The following CELF2 variants were observed in gnomAD, a reference collection of about 807,000 sequenced individuals.
CELF2 encodes the protein CUG triplet repeat RNA-binding protein 2.
In CELF2, 8 loss-of-function variants were observed where a neutral mutation model predicts 62.6. That is an observed-to-expected ratio of 0.13 (90% confidence interval 0.07 to 0.23). The LOEUF (loss-of-function observed/expected upper bound fraction) is 0.23. CELF2 is among the 10% of genes least tolerant of loss of function. The pLI is 1.00. For missense variants in CELF2, 333 were observed against 671.0 expected, an observed-to-expected ratio of 0.50 and a Z score of 5.56; for synonymous variants, 258 against 250.0, an observed-to-expected ratio of 1.03 and a Z score of -0.30.
rs1385532535 is a variant in CELF2 at position 11,315,041 on chromosome 10, A to T, written c.1096+783A>T. On this transcript the variant is annotated intron_variant, in intron 10 of 12. Transcript: ENST00000633077. The surrounding 1 kb of genome is among the most constrained non-coding windows in gnomAD (Gnocchi z 5.8). ...GAGAACTGCAGGTTCTGTCCTCCACAGCCCACCCGCTCCTGTCATTCTCGG... is the reference window on the plus strand; with the variant it reads ...GAGAACTGCAGGTTCTGTCCTCCACTGCCCACCCGCTCCTGTCATTCTCGG... Among the ~76,000 whole-genome samples, 2 of 152,044 alleles carry T rather than the reference A, an allele frequency of 1.3e-5. No individual in the cohort carries two copies. The highest frequency in any genetic ancestry group is 4.8e-5 in the African/African-American group (2 of 41,394).
chr10:10,791,332 A>C, the CELF2 span, among the ~76,000 whole-genome samples: 4,035 of 151,982 alleles, frequency 0.027, 187 homozygotes, highest in African/African-American at 0.092. Context: ...AAAAAAAAAA[A>C]ATAGGGATTC....
Position 11,224,032 on chromosome 10 carries a change from A to G in CELF2, c.354+6525A>G, listed in dbSNP as rs939132419. ...TACGTACGGCTTTGATTAAAATAAA[A>G]AACTAGTTATTTTTAAAGCATGGCC... is the stretch of plus-strand genomic sequence containing the variant. On this transcript the variant is annotated intron_variant, in intron 3 of 12. Coordinates refer to ENST00000633077, the MANE Select transcript of CELF2 (RefSeq NM_001326342.2). This position sits in a 1 kb window ranked among gnomAD's most constrained non-coding sequence, Gnocchi z 4.5. 6.6e-6 allele frequency among the ~76,000 whole-genome samples: 1 copy of G among 151,452 alleles called. No individual in the cohort carries two copies.
At chr10:11,250,058 A>T (rs2076684679) in intron 4 of CELF2, among the ~76,000 whole-genome samples, 2 of 152,234 alleles carry the variant, frequency 1.3e-5, no homozygotes, top group Admixed American at 1.3e-4. Context: ...GTATCTGCAA[A>T]TGTAAATTAT....
chr10:10,707,729 G>A, the CELF2 span, among the ~76,000 whole-genome samples: 21 of 152,240 alleles, frequency 1.4e-4, no homozygotes, highest in African/African-American at 3.1e-4. Context: ...AGACAATCTC[G>A]TTTTTGATAA....
intron 1 of CELF2, among the ~76,000 whole-genome samples, chr10:10,804,297 G>C (rs1405081101): frequency 6.6e-6 from 1 of 152,138 alleles, no homozygotes; most frequent in African/African-American, 2.4e-5. Flanking sequence ...AAACAGCTTG[G>C]GTGTGACCTA....
the CELF2 span, among the ~76,000 whole-genome samples, chr10:10,639,843 A>G: frequency 6.6e-6 from 1 of 152,178 alleles, no homozygotes; most frequent in African/African-American, 2.4e-5. Flanking sequence ...CCGTCAATGA[A>G]GGAGAGACTG....
At chr10:11,236,211 G>A (rs765832450) in intron 3 of CELF2, among the ~76,000 whole-genome samples, 2 of 152,168 alleles carry the variant, frequency 1.3e-5, no homozygotes, top group African/African-American at 2.4e-5. Flanking sequence ...TGAAATGCCC[G>A]TATCCTGTCA....
At chr10:10,772,881 G>A in the CELF2 span, among the ~76,000 whole-genome samples, 3 of 152,188 alleles carry the variant, frequency 2.0e-5, no homozygotes, top group Non-Finnish European at 2.9e-5. Flanking sequence ...AGATAAGAAA[G>A]AGAATACCAT....
chr10:10,761,928 G>A, the CELF2 span, among the ~76,000 whole-genome samples: 1 of 148,834 alleles, frequency 6.7e-6, no homozygotes, highest in Non-Finnish European at 1.5e-5. Context: ...GTGTGTGTGT[G>A]TGTGTGTGTG....
At chr10:10,984,208 G>A (rs932220812) in intron 2 of CELF2, among the ~76,000 whole-genome samples, 8 of 152,188 alleles carry the variant, frequency 5.3e-5, no homozygotes, top group Admixed American at 1.3e-4. Context: ...CACACAGAGG[G>A]TCGAGTCAGA....
chr10:11,138,539 C>T (rs561057051), intron 1 of CELF2, among the ~76,000 whole-genome samples: 15 of 152,270 alleles, frequency 9.9e-5, no homozygotes, highest in African/African-American at 3.4e-4. Context: ...CACACAGGAT[C>T]GGGATACTCT....
chr10:10,869,318 C>G (rs2060579570), intron 1 of CELF2, among the ~76,000 whole-genome samples: 1 of 152,180 alleles, frequency 6.6e-6, no homozygotes, highest in Non-Finnish European at 1.5e-5. Context: ...AATCCCAGCA[C>G]TTTGGGAGGC....
At chr10:10,661,194 T>C in the CELF2 span, among the ~76,000 whole-genome samples, 1 of 152,244 alleles carries the variant, frequency 6.6e-6, no homozygotes, top group Admixed American at 6.5e-5. Flanking sequence ...TCTTGCAAAG[T>C]AATCACTGAT....
At chr10:10,880,427 G>A (rs2061374937) in intron 1 of CELF2, among the ~76,000 whole-genome samples, 1 of 152,152 alleles carries the variant, frequency 6.6e-6, no homozygotes, top group Non-Finnish European at 1.5e-5. Context: ...AGTGTACGCA[G>A]GAAATTATCT....
the CELF2 span, among the ~76,000 whole-genome samples, chr10:10,525,041 G>A: frequency 1.3e-5 from 2 of 152,116 alleles, no homozygotes; most frequent in African/African-American, 4.8e-5. Flanking sequence ...GTACTTATGG[G>A]ATACAGTGCA....
upstream of CELF2, among the ~76,000 whole-genome samples, chr10:11,003,600 G>A (rs187607026): frequency 2.6e-4 from 40 of 152,070 alleles, no homozygotes; most frequent in South Asian, 4.0e-3. The surrounding 1 kb of genome is among the most constrained non-coding windows in gnomAD (Gnocchi z 4.4). Flanking sequence ...CCATTTAACC[G>A]CTGGAGTAAA....
chr10:10,787,875 C>T, the CELF2 span, among the ~76,000 whole-genome samples: 2 of 152,046 alleles, frequency 1.3e-5, no homozygotes, highest in Non-Finnish European at 2.9e-5. Flanking sequence ...CTAGCTTAAA[C>T]CTTAAAGCCT....
the CELF2 span, among the ~76,000 whole-genome samples, chr10:10,685,165 G>A: frequency 6.6e-6 from 1 of 152,162 alleles, no homozygotes; most frequent in South Asian, 2.1e-4. Flanking sequence ...GGGAACCAGG[G>A]GGCCAGAAGT....
chr10:10,492,617 C>T, the CELF2 span, among the ~76,000 whole-genome samples: 1 of 152,130 alleles, frequency 6.6e-6, no homozygotes, highest in Non-Finnish European at 1.5e-5. Context: ...GAGATTTGTC[C>T]ACCCACGTTT....
Sources: allele counts gnomAD v4.1 joint callset (sites outside exome capture counted in the v4.1 genomes callset), GRCh38; gene constraint gnomAD v4.1.1; non-coding constraint Gnocchi (gnomAD v3.1); transcripts MANE v1.5; gene names NCBI Gene and HGNC (gene_info 2026-07-23, HGNC 2026-07-21).